The following PICALM variants were observed in gnomAD, a reference collection of about 807,000 sequenced individuals.
PICALM encodes phosphatidylinositol binding clathrin assembly protein, also known as phosphatidylinositol-binding clathrin assembly protein.
In PICALM, 40 loss-of-function variants were observed where a neutral mutation model predicts 80.5. The observed-to-expected ratio is 0.50, with a 90% confidence interval of 0.39 to 0.65. PICALM has a LOEUF of 0.65. Ranked by LOEUF, PICALM falls within the 30% of genes least tolerant of loss-of-function variation. The probability of loss-of-function intolerance (pLI) is 0.00; values close to 1 mark genes in which losing one functional copy is unlikely to be tolerated. For synonymous variants in PICALM, 288 were observed against 260.3 expected, an observed-to-expected ratio of 1.11 and a Z score of -1.02; for missense variants, 676 against 778.9, an observed-to-expected ratio of 0.87 and a Z score of 1.57.
At chr11:85,981,036 T>C in intron 17 of PICALM, 93 bp downstream of exon 17, 1 of 682,796 alleles carries the variant, frequency 1.5e-6, no homozygotes, top group South Asian at 1.7e-5. Context: ...TAACAATCCT[T>C]CTATTTATGT....
chr11:86,014,094 A>G (rs147632539), intron 5 of PICALM, among the ~76,000 whole-genome samples: 68 of 152,354 alleles, frequency 4.5e-4, no homozygotes, highest in African/African-American at 1.6e-3. Flanking sequence ...TTTACTGAAC[A>G]CTTACTATGT....
chr11:86,061,851 G>A (rs962965324), intron 1 of PICALM, among the ~76,000 whole-genome samples: 2 of 152,052 alleles, frequency 1.3e-5, no homozygotes, highest in African/African-American at 2.4e-5. Context: ...AAACTAGGGA[G>A]CAACCAAGAT....
intron 7 of PICALM, among the ~76,000 whole-genome samples, chr11:86,008,075 T>C (rs764553355): frequency 1.3e-5 from 2 of 152,178 alleles, no homozygotes; most frequent in Non-Finnish European, 2.9e-5. Flanking sequence ...CTCTGTCAGG[T>C]AGGCCAGGTT....
chr11:86,039,916 A>G (rs2095922253), intron 1 of PICALM, among the ~76,000 whole-genome samples: 1 of 149,740 alleles, frequency 6.7e-6, no homozygotes, highest in Admixed American at 6.7e-5. Context: ...AAGCAGGAGA[A>G]TGACATGAAC....
chr11:86,040,892 T>C (rs1336943648), intron 1 of PICALM, among the ~76,000 whole-genome samples: 1 of 152,054 alleles, frequency 6.6e-6, no homozygotes, highest in Non-Finnish European at 1.5e-5. Flanking sequence ...AGATGCAAAA[T>C]TTCTCCCCTA....
In PICALM at chr11:86,061,529, T is replaced by A. The variant is rs181567967; in HGVS notation, c.130+7122A>T. Among the ~76,000 whole-genome samples the A allele has an allele frequency of 1.9e-4, 29 of 151,660 alleles. No individual in the cohort carries two copies. The South Asian group carries it at 2.7e-3, about 14-fold the overall frequency. On this transcript the variant is annotated intron_variant, in intron 1 of 19. Transcript: ENST00000393346. The stretch of plus-strand genomic sequence containing the variant: ...ATGCATATGAAAAAAAGTCACATAA[T>A]CAGGAAAATGCAAATTAAAACAATA...
chr11:86,034,191 TA>T (rs2095804505), intron 1 of PICALM, among the ~76,000 whole-genome samples: 1 of 152,148 alleles, frequency 6.6e-6, no homozygotes. Context: ...AGACCAAATG[TA>T]AAACCAAGTT....
At chr11:85,980,438 A>G (rs909256216) in intron 17 of PICALM, among the ~76,000 whole-genome samples, 3 of 152,220 alleles carry the variant, frequency 2.0e-5, no homozygotes, top group Non-Finnish European at 4.4e-5. Flanking sequence ...AGGACCGTCT[A>G]TGTGACATAT....
At chr11:86,034,597 CAT>C (rs1405261663) in intron 1 of PICALM, among the ~76,000 whole-genome samples, 1 of 151,902 alleles carries the variant, frequency 6.6e-6, no homozygotes, top group Non-Finnish European at 1.5e-5. Flanking sequence ...ATCTCAATAA[CAT>C]AAAAACTGAA....
At chr11:86,035,868 A>C (rs2095833007) in intron 1 of PICALM, among the ~76,000 whole-genome samples, 1 of 145,064 alleles carries the variant, frequency 6.9e-6, no homozygotes, top group African/African-American at 2.5e-5. Flanking sequence ...GAATTGCTTG[A>C]GTCTGGGAGG....
chr11:85,982,091 G>A (rs2094456521), intron 14 of PICALM, 88 bp from the exon 15 acceptor site: 1 of 1,184,252 alleles, frequency 8.4e-7, no homozygotes, highest in Admixed American at 1.9e-5. Context: ...TTTTCTCCTT[G>A]TTTATTCACT....
chr11:85,977,969 AT>A, intron 17 of PICALM: 3 of 846,720 alleles, frequency 3.5e-6, no homozygotes, highest in Non-Finnish European at 6.0e-6. Flanking sequence ...GAAAATCTGA[AT>A]GTGAAAACAA....
At chr11:86,024,602 T>A (rs2095620748) in intron 3 of PICALM, among the ~76,000 whole-genome samples, 1 of 151,736 alleles carries the variant, frequency 6.6e-6, no homozygotes, top group South Asian at 2.1e-4. Flanking sequence ...AACACATAAT[T>A]CCCTCTCCCC....
chr11:86,061,178 A>T (rs535137904), intron 1 of PICALM, among the ~76,000 whole-genome samples: 94 of 152,018 alleles, frequency 6.2e-4, no homozygotes, highest in African/African-American at 2.2e-3. Context: ...AAAATACAAA[A>T]ATTAGCCAGG....
At position 86,022,443 on chromosome 11, in the gene PICALM, G is replaced by A. The variant is rs1160579539; in HGVS notation, c.376C>T (p.Arg126Trp). The A allele has an allele frequency of 6.4e-7, 1 of 1,566,650 alleles. No homozygotes were observed. The highest frequency in any genetic ancestry group is 8.7e-7 in the Non-Finnish European group (1 of 1,154,972). The change falls in exon 4 of 20, where the codon CGG (arginine) becomes TGG (tryptophan). Residue 126 changes from arginine (R) to tryptophan (W), a missense_variant. Coordinates refer to ENST00000393346, the MANE Select transcript of PICALM (RefSeq NM_007166.4). ...QGYDMSTFIR[R>W]YSRYLNEKAV... ...TTCTCATTTAAATATCTACTATACC[G>A]CCTAATAAATGTAGACATGTCATAT...
intron 13 of PICALM, among the ~76,000 whole-genome samples, chr11:85,989,182 G>A (rs1485536864): frequency 6.6e-6 from 1 of 152,130 alleles, no homozygotes; most frequent in Non-Finnish European, 1.5e-5. Context: ...AGTAAGGGCT[G>A]GCAACTTGTA....
intron 1 of PICALM, among the ~76,000 whole-genome samples, chr11:86,066,808 C>G (rs1489841624): frequency 6.7e-6 from 1 of 149,906 alleles, no homozygotes; most frequent in Non-Finnish European, 1.5e-5. Flanking sequence ...AGTGTCAGGA[C>G]AAACTGTAAG....
chr11:86,061,425 A>T (rs994084291), intron 1 of PICALM, among the ~76,000 whole-genome samples: 3 of 152,084 alleles, frequency 2.0e-5, no homozygotes, highest in Non-Finnish European at 4.4e-5. Context: ...CAACAATAAG[A>T]AAACAAAGAA....
intron 3 of PICALM, 143 bp from the exon 4 acceptor site, chr11:86,022,612 T>C (rs2095584650): frequency 2.0e-6 from 1 of 506,502 alleles, no homozygotes. Context: ...ATTTAGTATG[T>C]AAATTAAGTA....
Sources: gnomAD v4.1 joint callset for allele counts (sites outside exome capture counted in the v4.1 genomes callset) on GRCh38, gnomAD v4.1.1 for gene constraint, MANE v1.5 for transcripts, NCBI Gene and HGNC (gene_info 2026-07-23, HGNC 2026-07-21) for gene names.